Variants in CACNA1B observed in about 807,000 individuals in gnomAD.
CACNA1B encodes the protein voltage-dependent N-type calcium channel subunit alpha-1B.
CACNA1B carries 70 observed loss-of-function variants against 247.2 expected under a neutral mutation model. That is an observed-to-expected ratio of 0.28 (90% CI 0.23 to 0.35). The LOEUF (loss-of-function observed/expected upper bound fraction) is 0.35. Ranked by LOEUF, CACNA1B falls within the 10% of genes least tolerant of loss-of-function variation. The pLI, the probability that CACNA1B is intolerant of heterozygous loss-of-function variation, is 1.00. For missense variants in CACNA1B, 2,367 were observed against 3,197.4 expected, an observed-to-expected ratio of 0.74 and a Z score of 6.26; for synonymous variants, 1,231 against 1,294.4, an observed-to-expected ratio of 0.95 and a Z score of 1.05.
intron 15 of CACNA1B, among the ~76,000 whole-genome samples, chr9:137,998,156 G>A (rs2133397930): frequency 6.6e-6 from 1 of 152,230 alleles, no homozygotes; most frequent in East Asian, 1.9e-4. Context: ...ATGAGACTGG[G>A]GAGTTCTGGC....
chr9:137,954,376 A>G lies in CACNA1B; in HGVS notation c.1071-1322A>G, dbSNP rs1390451412. The stretch of plus-strand genomic sequence containing the variant: ...AGAGCTCCCATCCTCACAGCATCCC[A>G]GAGAAGCAGAAGAGGTGGCCCCTGT... On this transcript the variant is annotated intron_variant, in intron 7 of 46. Transcript: ENST00000371372. The surrounding 1 kb of genome is among the most constrained non-coding windows in gnomAD (Gnocchi z 4.1). 6.6e-6 allele frequency among the ~76,000 whole-genome samples: 1 copy of G among 152,208 alleles called. No homozygotes were observed. Among genetic ancestry groups the G allele is most frequent in the East Asian group, 1.9e-4 (1 of 5,192 alleles).
At chr9:138,061,292 A>G (rs549982480) in intron 31 of CACNA1B, among the ~76,000 whole-genome samples, 1 of 152,296 alleles carries the variant, frequency 6.6e-6, no homozygotes, top group African/African-American at 2.4e-5. Flanking sequence ...TGTGTGGTAG[A>G]AGCCTTCTCC....
In CACNA1B at chr9:138,057,298, GATT is replaced by G. The variant is rs1288531602; in HGVS notation, c.3969-432_3969-430del. Among the ~76,000 whole-genome samples, 8 of 152,076 alleles carry G rather than the reference GATT, an allele frequency of 5.3e-5. No individual in the cohort carries two copies. Among genetic ancestry groups the G allele is most frequent in the African/African-American group, 1.9e-4 (8 of 41,382 alleles). On this transcript the variant is annotated intron_variant, in intron 26 of 46. Transcript: ENST00000371372. This position sits in a 1 kb window ranked among gnomAD's most constrained non-coding sequence, Gnocchi z 4.0. The stretch of plus-strand genomic sequence containing the variant: ...AATACAACTCCCTTATCAGACAGAG[GATT>G]AGGAAATAAGTATTTTTCCCATTCT...
chr9:137,924,957 G>A (rs745738228), intron 6 of CACNA1B, among the ~76,000 whole-genome samples: 40 of 152,190 alleles, frequency 2.6e-4, no homozygotes, highest in Non-Finnish European at 4.4e-4. Flanking sequence ...TGGTTGTCCC[G>A]CCTGTGACCA....
rs530235318 is a variant in CACNA1B at position 138,006,368 on chromosome 9, G to A, written c.1975-399G>A. Among the ~76,000 whole-genome samples, 6 of 152,314 alleles carry A rather than the reference G, an allele frequency of 3.9e-5. No homozygotes were observed. The East Asian group carries it at 7.7e-4, about 20-fold the overall frequency. ...AAGGCTCTGCTTCTGCTGGGTGGCC[G>A]TGTGCAGCCCAGTCCCCTGTGAACC... On this transcript the variant is annotated intron_variant, in intron 15 of 46. Transcript: ENST00000371372.
chr9:138,098,777 T>C (rs1961143338), intron 37 of CACNA1B, among the ~76,000 whole-genome samples: 1 of 152,142 alleles, frequency 6.6e-6, no homozygotes, highest in Non-Finnish European at 1.5e-5. Context: ...ACCCCAGAGA[T>C]AGCACGCACA....
At chr9:138,085,215 A>T (rs1460203569) in intron 36 of CACNA1B, among the ~76,000 whole-genome samples, 3 of 150,766 alleles carry the variant, frequency 2.0e-5, no homozygotes, top group Admixed American at 6.6e-5. Flanking sequence ...GCAGCTGACA[A>T]ATTGAATGAA....
chr9:138,069,447 C>T (rs768093906), intron 31 of CACNA1B, among the ~76,000 whole-genome samples: 22 of 152,214 alleles, frequency 1.4e-4, no homozygotes, highest in Admixed American at 7.9e-4. Context: ...ACCTTGTCTG[C>T]ATAACCTACA....
chr9:138,068,521 C>T (rs1475449647), intron 31 of CACNA1B: 2 of 493,648 alleles, frequency 4.1e-6, no homozygotes, highest in Non-Finnish European at 8.1e-6. Flanking sequence ...CCTCCCTGTG[C>T]GTCTCGCCCG....
Position 138,023,424 on chromosome 9 carries a change from A to G in CACNA1B, c.2681A>G (p.Lys894Arg), listed in dbSNP as rs550100275. 10 of 1,287,494 alleles carry G rather than the reference A, an allele frequency of 7.8e-6. No homozygotes were observed. The highest frequency in any genetic ancestry group is 9.8e-6 in the Non-Finnish European group (10 of 1,023,024). 79.8% of individuals were successfully genotyped at this position (1,287,494 alleles called of 1,614,324 possible). A position where few individuals can be genotyped will look rare whatever the true frequency, so the allele number is the denominator to read the frequency against. ...CCGCGGCCGCACCGCAGCCACAGCA[A>G]GGAGGCCGCGGGGCCCCCGGAGGCG... ...ERPRPHRSHS[K>R]EAAGPPEARS... The change falls in exon 19 of 47, where the codon AAG (lysine) becomes AGG (arginine). Residue 894 changes from lysine to arginine, a missense_variant. Physicochemically the swap from Lys to Arg is conservative, Grantham distance 26. This residue lies in a region of CACNA1B where 631 missense variants were observed against 631.1 expected (regional missense o/e 1.00). Coordinates refer to ENST00000371372, the MANE Select transcript of CACNA1B (RefSeq NM_000718.4).
At chr9:137,947,887 G>T (rs1957815040) in intron 6 of CACNA1B, among the ~76,000 whole-genome samples, 1 of 151,130 alleles carries the variant, frequency 6.6e-6, no homozygotes, top group African/African-American at 2.4e-5. Flanking sequence ...TCAGAAGTTT[G>T]GCTATAATGT....
At position 138,051,930 on chromosome 9, in the gene CACNA1B, C is replaced by T. The variant is rs1295807235; in HGVS notation, c.3711-162C>T. Among the ~76,000 whole-genome samples, 2 of 152,166 alleles carry T rather than the reference C, an allele frequency of 1.3e-5. No individual in the cohort carries two copies. Among genetic ancestry groups the T allele is most frequent in the Non-Finnish European group, 2.9e-5 (2 of 68,042 alleles). ...AGCCCCTGGGAAGAGTCATGGTGGC[C>T]TGTGGCACCTGCAGGGCAAGGCCTC... is the stretch of plus-strand genomic sequence containing the variant. On this transcript the variant is annotated intron_variant, in intron 24 of 46. Transcript: ENST00000371372. The surrounding 1 kb of genome is among the most constrained non-coding windows in gnomAD (Gnocchi z 4.3).
chr9:137,971,570 G>T lies in CACNA1B; in HGVS notation c.1521G>T (p.Pro507=). The change falls in exon 11 of 47, where the codon CCG becomes CCT. Residue 507 remains proline (P), a synonymous_variant. Transcript: ENST00000371372. The surrounding 1 kb of genome is among the most constrained non-coding windows in gnomAD (Gnocchi z 4.4). ...LCVAMVHYNQ[P]RRLTTTLYFA... ...TGGCCATGGTGCATTACAACCAGCCGCGGCGGCTTACCACGACCCTGTGTA... is the reference window on the plus strand; with the variant it reads ...TGGCCATGGTGCATTACAACCAGCCTCGGCGGCTTACCACGACCCTGTGTA... 1 of 1,613,320 alleles carries T rather than the reference G, an allele frequency of 6.2e-7. No individual in the cohort carries two copies. Among genetic ancestry groups the T allele is most frequent in the African/African-American group, 1.3e-5 (1 of 75,034 alleles).
At chr9:138,092,502 G>A (rs954673017) in intron 36 of CACNA1B, among the ~76,000 whole-genome samples, 4 of 152,180 alleles carry the variant, frequency 2.6e-5, no homozygotes, top group African/African-American at 9.7e-5. Context: ...CCTGAAAATC[G>A]CTGTTATCCT....
rs1589063219 is a variant in CACNA1B, at chr9:138,006,756, C to T, written c.1975-11C>T. 5.2e-6 allele frequency: 8 copies of T among 1,525,520 alleles called. No individual in the cohort carries two copies. In the South Asian group the frequency reaches 9.0e-5, roughly 17 times the overall value. 94.5% of individuals were successfully genotyped at this position (1,525,520 alleles called of 1,614,324 possible). A position where few individuals can be genotyped will look rare whatever the true frequency, so the allele number is the denominator to read the frequency against. ...ATGGGGGCTTGCCCTGTGTTCTCTC[C>T]ATCCTGGCAGATCCTGACGGGAGAG... On this transcript the variant is annotated splice_polypyrimidine_tract_variant and intron_variant, in intron 15 of 46. Transcript: ENST00000371372.
At chr9:137,984,031 G>T (rs1564221095) in intron 12 of CACNA1B, 107 bp from the exon 13 acceptor site, 1 of 766,564 alleles carries the variant, frequency 1.3e-6, no homozygotes, top group East Asian at 2.7e-5. Flanking sequence ...AAGGAAGCAG[G>T]ATGGTTCCTT....
At chr9:138,053,604 C>T (rs546404843) in intron 25 of CACNA1B, among the ~76,000 whole-genome samples, 43 of 139,482 alleles carry the variant, frequency 3.1e-4, no homozygotes, top group Non-Finnish European at 3.9e-4. Context: ...CCCCACCCCC[C>T]ACCATGGCTC....
chr9:138,120,589 C>A, intron 45 of CACNA1B, 42 bp from the exon 46 acceptor site: 1 of 1,468,502 alleles, frequency 6.8e-7, no homozygotes. Context: ...GGGGTCCCTG[C>A]CTTGGGCCTG....
At chr9:138,105,549 C>G in intron 38 of CACNA1B, 150 bp from the exon 39 acceptor site, 2 of 589,746 alleles carry the variant, frequency 3.4e-6, no homozygotes, top group South Asian at 4.1e-5. Context: ...GGCAAAACTC[C>G]CACCCGCCCC....
Sources: allele counts gnomAD v4.1 joint callset (sites outside exome capture counted in the v4.1 genomes callset), GRCh38; gene constraint gnomAD v4.1.1; regional missense constraint gnomAD v4.1.1; non-coding constraint Gnocchi (gnomAD v3.1); transcripts MANE v1.5; gene names NCBI Gene and HGNC (gene_info 2026-07-23, HGNC 2026-07-21).